The following CHODL variants were observed in gnomAD, a reference collection of about 807,000 sequenced individuals.
CHODL encodes transmembrane protein MT75.
CHODL carries 29 observed loss-of-function variants against 34.5 expected under a neutral mutation model. The ratio of observed to expected loss-of-function variants is 0.84; its 90% confidence interval spans 0.63 to 1.15. CHODL has a LOEUF of 1.15. Among genes scored for constraint, CHODL ranks in the 50% most tolerant of loss-of-function variants. The pLI is 0.00. For missense variants in CHODL, 332 were observed against 332.5 expected (o/e 1.00, Z 0.01); for synonymous variants, 125 against 116.1 (o/e 1.08, Z -0.49).
intron 1 of CHODL, chr21:18,022,533 G>C (rs1345596593): frequency 6.6e-6 from 1 of 152,114 alleles, no homozygotes; most frequent in African/African-American, 2.4e-5. Flanking sequence ...TTTTTGGTCT[G>C]CTACATTTCC....
intron 2 of CHODL, among the ~76,000 whole-genome samples, chr21:18,113,944 A>T (rs184774204): frequency 1.9e-4 from 29 of 152,374 alleles, no homozygotes; most frequent in African/African-American, 6.5e-4. Flanking sequence ...TATACACAAT[A>T]GAATACTGTT....
At chr21:17,968,712 C>T (rs1162570446) in intron 1 of CHODL, among the ~76,000 whole-genome samples, 2 of 152,204 alleles carry the variant, frequency 1.3e-5, no homozygotes, top group Non-Finnish European at 2.9e-5. Context: ...TTACCAAATG[C>T]TAACCAATGG....
intron 2 of CHODL, among the ~76,000 whole-genome samples, chr21:18,095,395 T>TA (rs542540259): frequency 2.0e-5 from 3 of 152,008 alleles, no homozygotes; most frequent in Admixed American, 6.6e-5. Flanking sequence ...CCAGTATATT[T>TA]AAAAAAACTA....
intron 1 of CHODL, among the ~76,000 whole-genome samples, chr21:17,940,095 A>G (rs1238505863): frequency 6.6e-6 from 1 of 152,198 alleles, no homozygotes; most frequent in Non-Finnish European, 1.5e-5. Flanking sequence ...CTGTGTTTTC[A>G]TATTTCATTG....
In CHODL at chr21:17,956,657, A is replaced by G; in HGVS notation, c.-145+39257A>G. On this transcript the variant is annotated intron_variant, in intron 1 of 6. Transcript: ENST00000400127. ...CATATTCAGTGTCTGGTGAGGGCCC[A>G]CTTCTGGTACCTTAGAGAGCTATCT... 1.5e-5 allele frequency among the ~76,000 whole-genome samples: 2 copies of G among 135,912 alleles called. 1 individual carries two copies. Among genetic ancestry groups the G allele is most frequent in the South Asian group, 5.9e-4 (2 of 3,410 alleles). The allele number at this position is 135,912 out of a possible 152,430, so 89.2% of individuals were successfully genotyped here. A position where few individuals can be genotyped will look rare whatever the true frequency, so the allele number is the denominator to read the frequency against.
intron 1 of CHODL, among the ~76,000 whole-genome samples, chr21:17,988,865 G>C (rs183110528): frequency 4.3e-4 from 66 of 152,070 alleles, no homozygotes; most frequent in Non-Finnish European, 7.6e-4. Flanking sequence ...ACATACATGT[G>C]CATGTGTCTT....
intron 2 of CHODL, among the ~76,000 whole-genome samples, chr21:18,101,511 G>A (rs1187712981): frequency 1.3e-5 from 2 of 152,030 alleles, no homozygotes; most frequent in African/African-American, 4.8e-5. Flanking sequence ...AATACAAAAT[G>A]TGTAGAGATA....
intron 1 of CHODL, among the ~76,000 whole-genome samples, chr21:17,945,753 A>G (rs2063402200): frequency 6.6e-6 from 1 of 152,242 alleles, no homozygotes; most frequent in African/African-American, 2.4e-5. Context: ...GAAAGCATGG[A>G]AGTCCTTGTC....
intron 1 of CHODL, among the ~76,000 whole-genome samples, chr21:17,983,767 AT>A (rs1352136200): frequency 6.6e-6 from 1 of 152,194 alleles, no homozygotes; most frequent in Non-Finnish European, 1.5e-5. Context: ...AATTGATATA[AT>A]AACCGCACAT....
chr21:18,181,973 G>A (rs1449202322), intron 2 of CHODL, among the ~76,000 whole-genome samples: 1 of 152,020 alleles, frequency 6.6e-6, no homozygotes, highest in Non-Finnish European at 1.5e-5. Context: ...TTCAGCTGAT[G>A]GGAATATGAG....
intron 2 of CHODL, among the ~76,000 whole-genome samples, chr21:18,059,821 T>G (rs1309140317): frequency 1.3e-5 from 2 of 152,134 alleles, no homozygotes; most frequent in African/African-American, 2.4e-5. Flanking sequence ...GATTTTACAC[T>G]TTGCTGTTCA....
intron 2 of CHODL, among the ~76,000 whole-genome samples, chr21:18,043,345 T>C (rs1233881023): frequency 6.6e-6 from 1 of 152,014 alleles, no homozygotes; most frequent in Non-Finnish European, 1.5e-5. Context: ...GTGAAGTCTG[T>C]TGGGACAAAG....
At chr21:18,216,113 C>G (rs1601158999) in intron 2 of CHODL, among the ~76,000 whole-genome samples, 1 of 151,526 alleles carries the variant, frequency 6.6e-6, no homozygotes, top group East Asian at 1.9e-4. Context: ...TTATTTCCTT[C>G]CTTTCTTTCT....
At chr21:17,959,028 G>A (rs1369750786) in intron 1 of CHODL, among the ~76,000 whole-genome samples, 1 of 151,942 alleles carries the variant, frequency 6.6e-6, no homozygotes, top group African/African-American at 2.4e-5. Flanking sequence ...AACTACACAA[G>A]TTCCTTCTAT....
chr21:18,266,044 C>G lies in CHODL; in HGVS notation c.*6C>G. The G allele has an allele frequency of 6.2e-7, 1 of 1,613,634 alleles. No homozygotes were observed. Among genetic ancestry groups the G allele is most frequent in the Non-Finnish European group, 8.5e-7 (1 of 1,179,698 alleles). On this transcript the variant is annotated 3_prime_UTR_variant, in exon 6 of 6. Coordinates refer to ENST00000299295, the MANE Select transcript of CHODL (RefSeq NM_024944.3). ...AAAGTGGCATGGAAGTATAATAACT[C>G]ATTGACTTGGTTCCAGAATTTTGTA... is the stretch of plus-strand genomic sequence containing the variant.
At chr21:17,991,985 T>G (rs1049517450) in intron 1 of CHODL, among the ~76,000 whole-genome samples, 3 of 152,208 alleles carry the variant, frequency 2.0e-5, no homozygotes, top group African/African-American at 7.2e-5. Flanking sequence ...TAATCCATTT[T>G]CAGTTGATGT....
intron 1 of CHODL, among the ~76,000 whole-genome samples, chr21:17,987,601 C>T (rs2063763586): frequency 6.6e-6 from 1 of 152,038 alleles, no homozygotes; most frequent in Non-Finnish European, 1.5e-5. Context: ...AGCATTTATA[C>T]AGACCCTTGC....
At chr21:18,079,010 AG>A (rs1324068611) in intron 2 of CHODL, among the ~76,000 whole-genome samples, 11 of 152,290 alleles carry the variant, frequency 7.2e-5, no homozygotes, top group African/African-American at 2.4e-4. Context: ...AGGAGGTATA[AG>A]TGCAGATTTC....
intron 2 of CHODL, among the ~76,000 whole-genome samples, chr21:18,063,478 A>T (rs2064693498): frequency 6.6e-6 from 1 of 152,198 alleles, no homozygotes; most frequent in Admixed American, 6.5e-5. Flanking sequence ...ATTTTTCTCT[A>T]GGAAAAAAAT....
Sources: gnomAD v4.1 joint callset for allele counts (sites outside exome capture counted in the v4.1 genomes callset) on GRCh38, gnomAD v4.1.1 for gene constraint, MANE v1.5 for transcripts, NCBI Gene and HGNC (gene_info 2026-07-23, HGNC 2026-07-21) for gene names.